PCNX4: variants seen among roughly 807,000 people sequenced by gnomAD.
PCNX4 encodes pecanex 4, also known as pecanex-like protein 4.
Under a neutral mutation model 107.2 loss-of-function variants are expected in PCNX4, and 103 were observed. That is an observed-to-expected ratio of 0.96 (90% confidence interval 0.82 to 1.13). PCNX4 has a LOEUF of 1.13. Among genes scored for constraint, PCNX4 ranks in the 50% most tolerant of loss-of-function variants. PCNX4 has a pLI of 0.00. For synonymous variants in PCNX4, 541 were observed against 481.7 expected, an observed-to-expected ratio of 1.12 and a Z score of -1.61; for missense variants, 1,528 against 1,379.4, an observed-to-expected ratio of 1.11 and a Z score of -1.71.
rs78050297 is a variant in PCNX4, at chr14:60,138,126, G to A, written c.*3905G>A. ...AAAAAAAAAAAGGATTCAGTGAATA[G>A]ATTTGATAGAAAGTGCATACAGTGA... On this transcript the variant is annotated 3_prime_UTR_variant, in exon 11 of 11. Coordinates refer to ENST00000406854, the MANE Select transcript of PCNX4 (RefSeq NM_001330177.2). 8.0e-3 allele frequency: 1,210 copies of A among 151,334 alleles called. 14 individuals are homozygous for A. Among genetic ancestry groups the A allele is most frequent in the African/African-American group, 0.028 (1,161 of 41,332 alleles). 9.4% of individuals were successfully genotyped at this position (151,334 alleles called of 1,614,324 possible).
At chr14:60,107,066 A>G (rs141004584) in intron 1 of PCNX4, among the ~76,000 whole-genome samples, 1 of 152,308 alleles carries the variant, frequency 6.6e-6, no homozygotes, top group African/African-American at 2.4e-5. Context: ...TTATAAATTA[A>G]TAAAGAATAT....
rs573580911 is a variant in PCNX4, at chr14:60,104,122, C to G, written c.-53-3464C>G. On this transcript the variant is annotated intron_variant, in intron 1 of 10. Transcript: ENST00000406854. ...GATCATGAGGTCAGGAGTTCAAGAC[C>G]AGCCTGACCAACATGGTGAAACCCC... is the stretch of plus-strand genomic sequence containing the variant. Among the ~76,000 whole-genome samples, 3 of 152,030 alleles carry G rather than the reference C, an allele frequency of 2.0e-5. No homozygotes were observed. The East Asian group carries it at 5.8e-4, about 29-fold the overall frequency.
chr14:60,128,783 G>A (rs994943128), intron 10 of PCNX4, among the ~76,000 whole-genome samples: 4 of 152,172 alleles, frequency 2.6e-5, no homozygotes, highest in African/African-American at 9.7e-5. Context: ...ATAACATATA[G>A]GAATGTAATT....
At chr14:60,100,357 C>T (rs1002934761) in intron 1 of PCNX4, among the ~76,000 whole-genome samples, 8 of 152,090 alleles carry the variant, frequency 5.3e-5, no homozygotes, top group East Asian at 1.9e-4. Context: ...GGAGTGTAAT[C>T]GCGCCATCTT....
intron 1 of PCNX4, 65 bp from the exon 2 acceptor site, chr14:60,107,521 G>A: frequency 1.1e-6 from 1 of 889,836 alleles, no homozygotes; most frequent in Non-Finnish European, 1.7e-6. Context: ...GTAATGTGAG[G>A]TTTTTCCTCA....
At chr14:60,094,565 C>T (rs1361024922) in intron 1 of PCNX4, among the ~76,000 whole-genome samples, 1 of 152,116 alleles carries the variant, frequency 6.6e-6, no homozygotes, top group Non-Finnish European at 1.5e-5. Flanking sequence ...CCCTATCATA[C>T]CCTGCAACTG....
In PCNX4 at chr14:60,127,137, T is replaced by C. The variant is rs571279848; in HGVS notation, c.3267+1314T>C. Among the ~76,000 whole-genome samples the C allele has an allele frequency of 2.0e-5, 3 of 152,348 alleles. No individual in the cohort carries two copies. The South Asian group carries it at 6.2e-4, about 32-fold the overall frequency. ...TTCTTGAAAACAATGGAGGACTTGC[T>C]GTTTTATGATAGTGTCAAAAAAAGA... is the stretch of plus-strand genomic sequence containing the variant. On this transcript the variant is annotated intron_variant, in intron 10 of 10. Coordinates refer to ENST00000406854, the MANE Select transcript of PCNX4 (RefSeq NM_001330177.2).
In PCNX4 at chr14:60,125,790, A is replaced by G. The variant is rs369842342; in HGVS notation, c.3234A>G (p.Pro1078=). ...KWKEAILQEK[P]YLFSLGYDSN... ...AGGAAGCAATTTTACAAGAAAAGCC[A>G]TACTTGTTTTCTCTGGGGTATGATT... Residue 1078 remains proline, a synonymous_variant, in exon 10 of 11, where the codon CCA becomes CCG. Transcript: ENST00000406854. 3.1e-6 allele frequency: 5 copies of G among 1,609,882 alleles called. No homozygotes were observed. The highest frequency in any genetic ancestry group is 3.4e-5 in the Admixed American group (2 of 59,318).
rs1896316231 is a variant in PCNX4, at chr14:60,142,332, CAT to C, written c.*8112_*8113del. On this transcript the variant is annotated 3_prime_UTR_variant, in exon 11 of 11. Coordinates refer to ENST00000406854, the MANE Select transcript of PCNX4 (RefSeq NM_001330177.2). This position sits in a 1 kb window ranked among gnomAD's most constrained non-coding sequence, Gnocchi z 4.7. ...GAATTACCGATTGTGACTGAGGTCT[CAT>C]GTGGCTTACTGGTGAATCCAGTAGT... 1.3e-5 allele frequency: 2 copies of C among 152,162 alleles called. No homozygotes were observed. The highest frequency in any genetic ancestry group is 2.9e-5 in the Non-Finnish European group (2 of 68,036). The allele number at this position is 152,162 out of a possible 1,614,324, so 9.4% of individuals were successfully genotyped here.
chr14:60,130,158 T>C (rs1896128780), intron 10 of PCNX4, among the ~76,000 whole-genome samples: 1 of 151,968 alleles, frequency 6.6e-6, no homozygotes, highest in South Asian at 2.1e-4. Flanking sequence ...GGCAACATAG[T>C]AAGACCTTGT....
chr14:60,114,587 T>G lies in PCNX4; in HGVS notation c.690-113T>G, dbSNP rs1206227620. On this transcript the variant is annotated intron_variant, in intron 2 of 10. Transcript: ENST00000406854. ...CTAAGACTTTTCTGTGGTGTGTGTG[T>G]GTGGTTTTTTTTTGGAAGGGAGTGT... The G allele has an allele frequency of 1.1e-5, 8 of 717,688 alleles. No individual in the cohort carries two copies. The African/African-American group carries it at 1.7e-4, about 15-fold the overall frequency. 44.5% of individuals were successfully genotyped at this position (717,688 alleles called of 1,614,324 possible). A position where few individuals can be genotyped will look rare whatever the true frequency, so the allele number is the denominator to read the frequency against.
Position 60,144,881 on chromosome 14 carries a change from T to A in PCNX4, c.*10660T>A. ...AAAAAGTAAAATCACAAATTAGTCT[T>A]TGATTATTCAGAAGCATAAGAAGAT... is the stretch of plus-strand genomic sequence containing the variant. On this transcript the variant is annotated 3_prime_UTR_variant, in exon 11 of 11. Transcript: ENST00000406854. 2.6e-6 allele frequency: 3 copies of A among 1,145,908 alleles called. No homozygotes were observed. Among genetic ancestry groups the A allele is most frequent in the Non-Finnish European group, 3.9e-6 (3 of 767,318 alleles). The allele number at this position is 1,145,908 out of a possible 1,614,324, so 71.0% of individuals were successfully genotyped here.
intron 2 of PCNX4, among the ~76,000 whole-genome samples, chr14:60,112,795 G>A (rs1417468533): frequency 6.6e-6 from 1 of 152,130 alleles, no homozygotes; most frequent in Non-Finnish European, 1.5e-5. Flanking sequence ...TACTTGAATG[G>A]TTTCTACTCA....
intron 4 of PCNX4, 44 bp from the exon 5 acceptor site, chr14:60,115,675 C>A (rs770672074): frequency 3.3e-6 from 5 of 1,506,404 alleles, no homozygotes; most frequent in Non-Finnish European, 4.6e-6. Context: ...GTAGAAGGAG[C>A]TATTTTGCCT....
rs142194041 is a variant in PCNX4 at position 60,115,091 on chromosome 14, A to C, written c.987A>C (p.Leu329Phe). The C allele has an allele frequency of 9.8e-4, 1,582 of 1,613,932 alleles. 20 individuals are homozygous for C. In the African/African-American group the frequency reaches 0.017, roughly 18 times the overall value. The part of the protein sequence containing the change: ...TGFGFLLSLN[L>F]SDMGHKIGTK... ...TTGGTTTCTTGCTGAGTCTGAACTTAAGTGATATGGGTCACAAAATTGGAA... is the reference window on the plus strand; with the variant it reads ...TTGGTTTCTTGCTGAGTCTGAACTTCAGTGATATGGGTCACAAAATTGGAA... Residue 329 changes from leucine (L) to phenylalanine (F), a missense_variant, in exon 4 of 11, where the codon TTA becomes TTC. By Grantham distance (22) the Leu-to-Phe change is conservative. Transcript: ENST00000406854.
chr14:60,113,496 G>T (rs1895779523), intron 2 of PCNX4, among the ~76,000 whole-genome samples: 1 of 152,030 alleles, frequency 6.6e-6, no homozygotes, highest in Non-Finnish European at 1.5e-5. Flanking sequence ...AGCCTCCCTA[G>T]TAGCTGGGAT....
At position 60,130,200 on chromosome 14, in the gene PCNX4, C is replaced by T. The variant is rs1056711659; in HGVS notation, c.3268-3770C>T. Among the ~76,000 whole-genome samples the T allele has an allele frequency of 1.6e-4, 24 of 151,826 alleles. No individual in the cohort carries two copies. The East Asian group carries it at 4.6e-3, about 29-fold the overall frequency. ...AAAAAAATAAACAAAATTATCCATACATGGTGGTATGTTCCTGTAGTCCCA... is the reference window on the plus strand; with the variant it reads ...AAAAAAATAAACAAAATTATCCATATATGGTGGTATGTTCCTGTAGTCCCA... On this transcript the variant is annotated intron_variant, in intron 10 of 10. Transcript: ENST00000406854.
In PCNX4 at chr14:60,136,550, T is replaced by TAAAG. The variant is rs758250162; in HGVS notation, c.*2335_*2338dup. 6.6e-6 allele frequency: 1 copy of TAAAG among 152,394 alleles called. No individual in the cohort carries two copies. The highest frequency in any genetic ancestry group is 2.4e-5 in the African/African-American group (1 of 41,454). The allele number at this position is 152,394 out of a possible 1,614,324, so 9.4% of individuals were successfully genotyped here. A position where few individuals can be genotyped will look rare whatever the true frequency, so the allele number is the denominator to read the frequency against. ...TAGATTTTGAAGGGAAGGTGAGAGT[T>TAAAG]AAAGAAAGACACACAGAGGGCAGCT... On this transcript the variant is annotated 3_prime_UTR_variant, in exon 11 of 11. Transcript: ENST00000406854.
At chr14:60,107,442 T>A (rs1191556609) in intron 1 of PCNX4, 144 bp from the exon 2 acceptor site, 1 of 559,698 alleles carries the variant, frequency 1.8e-6, no homozygotes, top group African/African-American at 1.9e-5. Context: ...GTGTCAAGTA[T>A]GTGCCAGAAA....
Sources: gnomAD v4.1 joint callset for allele counts (sites outside exome capture counted in the v4.1 genomes callset) on GRCh38, gnomAD v4.1.1 for gene constraint, Gnocchi (gnomAD v3.1) non-coding constraint, MANE v1.5 for transcripts, NCBI Gene and HGNC (gene_info 2026-07-23, HGNC 2026-07-21) for gene names.